FMN1: variants seen among roughly 807,000 people sequenced by gnomAD.
The protein encoded by FMN1 is formin-1.
FMN1 carries 110 observed loss-of-function variants against 132.4 expected under a neutral mutation model. The observed-to-expected ratio is 0.83, with a 90% CI of 0.71 to 0.97. The LOEUF (loss-of-function observed/expected upper bound fraction) is 0.97, where lower values mean the gene tolerates loss of function less well. FMN1 is among the 50% of genes least tolerant of loss of function. The pLI, the probability that FMN1 is intolerant of heterozygous loss-of-function variation, is 0.00. For missense variants in FMN1, 1,792 were observed against 1,705.3 expected (o/e 1.05, Z -0.90); for synonymous variants, 722 against 651.7 (o/e 1.11, Z -1.64).
intron 17 of FMN1, among the ~76,000 whole-genome samples, chr15:32,844,151 A>G (rs560191398): frequency 2.8e-5 from 1 of 36,098 alleles, no homozygotes; most frequent in East Asian, 2.6e-4. Flanking sequence ...AATTCTCATT[A>G]TTCTCCCAAT....
intron 17 of FMN1, among the ~76,000 whole-genome samples, chr15:32,819,614 C>A (rs906100845): frequency 1.3e-5 from 2 of 152,246 alleles, no homozygotes; most frequent in African/African-American, 4.8e-5. Flanking sequence ...TGTTTCTTTG[C>A]TAGCTTTGTT....
At chr15:32,908,270 GGGGGA>G in intron 12 of FMN1, 1 of 472,178 alleles carries the variant, frequency 2.1e-6, no homozygotes, top group South Asian at 3.3e-5. Flanking sequence ...CTCTTGGGGT[GGGGGA>G]GGGGGGTGAG....
At chr15:33,170,802 T>C in intron 3 of FMN1, among the ~76,000 whole-genome samples, 1 of 152,126 alleles carries the variant, frequency 6.6e-6, no homozygotes, top group East Asian at 1.9e-4. Flanking sequence ...TGCAAATTAG[T>C]ATAGTCATTA....
At chr15:32,847,577 G>T (rs377663674) in intron 17 of FMN1, among the ~76,000 whole-genome samples, 1 of 152,068 alleles carries the variant, frequency 6.6e-6, no homozygotes, top group Non-Finnish European at 1.5e-5. Flanking sequence ...AGTTAAGGCC[G>T]GGCGTGGTGG....
chr15:32,822,817 T>A (rs112984328), intron 17 of FMN1, among the ~76,000 whole-genome samples: 11 of 152,364 alleles, frequency 7.2e-5, no homozygotes, highest in African/African-American at 2.6e-4. Context: ...ATCTTATAGT[T>A]CTCTGAGATT....
At chr15:32,950,752 C>G (rs1349464948) in intron 9 of FMN1, among the ~76,000 whole-genome samples, 4 of 152,072 alleles carry the variant, frequency 2.6e-5, no homozygotes, top group Non-Finnish European at 4.4e-5. Context: ...AGGCTTAATA[C>G]CTGGGTGACG....
chr15:33,170,972 A>C (rs567556932), intron 3 of FMN1, among the ~76,000 whole-genome samples: 1 of 152,344 alleles, frequency 6.6e-6, no homozygotes, highest in African/African-American at 2.4e-5. Context: ...AAAGATATGG[A>C]ATCAACCTGT....
chr15:32,793,319 G>A (rs927728800), intron 19 of FMN1, among the ~76,000 whole-genome samples: 3 of 151,056 alleles, frequency 2.0e-5, no homozygotes, highest in Admixed American at 6.6e-5. Context: ...TCACTCTGTT[G>A]CCCAGGCTGG....
intron 7 of FMN1, among the ~76,000 whole-genome samples, chr15:33,004,207 C>T (rs527728146): frequency 3.2e-4 from 48 of 152,236 alleles, no homozygotes; most frequent in Non-Finnish European, 6.8e-4. Flanking sequence ...TCTAATTAAA[C>T]TAAAGAGCTT....
intron 6 of FMN1, among the ~76,000 whole-genome samples, chr15:33,046,242 A>C (rs987850747): frequency 1.1e-4 from 16 of 152,192 alleles, no homozygotes; most frequent in Admixed American, 7.9e-4. Context: ...CTTACACATT[A>C]GGCCTGGGAA....
chr15:32,799,021 G>C lies in FMN1; in HGVS notation c.3981-68C>G. On this transcript the variant is annotated intron_variant, in intron 18 of 20. Coordinates refer to ENST00000616417, the MANE Select transcript of FMN1 (RefSeq NM_001277313.2). The stretch of plus-strand genomic sequence containing the variant: ...AAATTGCCAACACTAAAATCCATTA[G>C]AGGGGGGATGCTGGGGGCAGTTTCT... 1.4e-6 allele frequency: 2 copies of C among 1,383,454 alleles called. 1 individual carries two copies. Among genetic ancestry groups the C allele is most frequent in the Admixed American group, 4.3e-5 (2 of 46,184 alleles). The allele number at this position is 1,383,454 out of a possible 1,614,324, so 85.7% of individuals were successfully genotyped here.
chr15:32,843,416 T>C (rs972387555), intron 17 of FMN1, among the ~76,000 whole-genome samples: 4 of 152,208 alleles, frequency 2.6e-5, no homozygotes, highest in African/African-American at 9.6e-5. Flanking sequence ...CAGAGGAAGC[T>C]TAAGTTAAAG....
intron 5 of FMN1, chr15:33,066,934 G>A (rs768483006): frequency 3.7e-6 from 6 of 1,613,820 alleles, no homozygotes; most frequent in South Asian, 2.2e-5. Flanking sequence ...CCTGCACTAA[G>A]GACTTCTGCA....
intron 16 of FMN1, among the ~76,000 whole-genome samples, chr15:32,868,967 C>T (rs2059454794): frequency 6.6e-6 from 1 of 152,076 alleles, no homozygotes; most frequent in Admixed American, 6.6e-5. Context: ...TGGGTATAGG[C>T]CTCTATTTCA....
intron 6 of FMN1, chr15:33,012,045 A>G (rs1264919679): frequency 3.2e-6 from 1 of 314,476 alleles, no homozygotes; most frequent in East Asian, 7.0e-5. Flanking sequence ...TACATAAGTA[A>G]CAAAACTATG....
At chr15:33,043,286 A>G (rs1008166287) in intron 6 of FMN1, among the ~76,000 whole-genome samples, 2 of 152,250 alleles carry the variant, frequency 1.3e-5, no homozygotes, top group African/African-American at 2.4e-5. Flanking sequence ...ATCATGAACT[A>G]TAACAAATGG....
intron 9 of FMN1, among the ~76,000 whole-genome samples, chr15:32,936,194 G>GTAA (rs1446022057): frequency 6.6e-6 from 1 of 152,086 alleles, no homozygotes; most frequent in Non-Finnish European, 1.5e-5. Flanking sequence ...TATTTGTCAA[G>GTAA]TAATTCATAT....
At chr15:32,963,226 A>ATCATACACATCTTGT (rs1416135211) in intron 9 of FMN1, among the ~76,000 whole-genome samples, 1 of 151,826 alleles carries the variant, frequency 6.6e-6, no homozygotes, top group Non-Finnish European at 1.5e-5. Context: ...CATCATTCTC[A>ATCATACACATCTTGT]GTAAACTATC....
chr15:32,957,950 G>A (rs1440840436), intron 9 of FMN1, among the ~76,000 whole-genome samples: 1 of 151,956 alleles, frequency 6.6e-6, no homozygotes, highest in Admixed American at 6.6e-5. Flanking sequence ...GTGGCAGAGT[G>A]GTCTAGTATC....
Sources: gnomAD v4.1 joint callset for allele counts (sites outside exome capture counted in the v4.1 genomes callset) on GRCh38, gnomAD v4.1.1 for gene constraint, MANE v1.5 for transcripts, NCBI Gene and HGNC (gene_info 2026-07-23, HGNC 2026-07-21) for gene names.